The following DOP1A variants were observed in gnomAD, a reference collection of about 807,000 sequenced individuals.
DOP1A encodes the protein protein DOP1A.
DOP1A carries 90 observed loss-of-function variants against 267.6 expected under a neutral mutation model. The observed-to-expected ratio is 0.34, with a 90% CI of 0.28 to 0.40. DOP1A has a LOEUF of 0.40. DOP1A is among the 10% of genes least tolerant of loss of function. The probability of loss-of-function intolerance (pLI) is 1.00; values close to 1 mark genes in which losing one functional copy is unlikely to be tolerated. For synonymous variants in DOP1A, 932 were observed against 999.1 expected (o/e 0.93, Z 1.27); for missense variants, 2,437 against 2,900.4 (o/e 0.84, Z 3.67).
chr6:83,164,771 T>G, intron 38 of DOP1A: 2 of 1,477,996 alleles, frequency 1.4e-6, no homozygotes, highest in Non-Finnish European at 1.8e-6. Flanking sequence ...TTGCCAAATA[T>G]TGAGACACAA....
rs145273855 is a variant in DOP1A, at chr6:83,097,214, C to T, written c.138+99C>T. Reference sequence around the variant, plus strand: ...AAATCTTGAAGTAAGAATGCAAAAACATAAATGAACCTTAGATTACTCTTG... The same window carrying T: ...AAATCTTGAAGTAAGAATGCAAAAATATAAATGAACCTTAGATTACTCTTG... On this transcript the variant is annotated intron_variant, in intron 3 of 38. Coordinates refer to ENST00000349129, the MANE Select transcript of DOP1A (RefSeq NM_015018.4). 1.2e-5 allele frequency: 16 copies of T among 1,325,310 alleles called. No homozygotes were observed. In the African/African-American group the frequency reaches 1.6e-4, roughly 13 times the overall value. 82.1% of individuals were successfully genotyped at this position (1,325,310 alleles called of 1,614,324 possible).
intron 1 of DOP1A, among the ~76,000 whole-genome samples, chr6:83,074,911 C>T (rs998336876): frequency 3.3e-5 from 5 of 152,180 alleles, no homozygotes; most frequent in Non-Finnish European, 1.5e-5. Flanking sequence ...GTATTTTCAA[C>T]TTAGGATGAG....
At chr6:83,128,455 A>G (rs1027121423) in intron 15 of DOP1A, among the ~76,000 whole-genome samples, 1 of 152,218 alleles carries the variant, frequency 6.6e-6, no homozygotes, top group African/African-American at 2.4e-5. Flanking sequence ...CAAAGATTTA[A>G]TTAGTACTAT....
At position 83,154,039 on chromosome 6, in the gene DOP1A, A is replaced by C; in HGVS notation, c.6385A>C (p.Asn2129His). The change falls in exon 32 of 39, where the codon AAT becomes CAT. Residue 2129 changes from asparagine to histidine, a missense_variant. Around this residue, in one of 9 missense-constraint regions of DOP1A, gnomAD observed 216 missense variants for 283.3 expected, o/e 0.76. Coordinates refer to ENST00000349129, the MANE Select transcript of DOP1A (RefSeq NM_015018.4). The stretch of plus-strand genomic sequence containing the variant: ...CTTTCAGATGGATGCCTCTTGTGTT[A>C]ATCAGTAAGTTGCCCTCTTATTTGT... ...SFFQMDASCV[N>H]HWRAIMDNLM... 6.2e-7 allele frequency: 1 copy of C among 1,613,856 alleles called. No homozygotes were observed. The highest frequency in any genetic ancestry group is 8.5e-7 in the Non-Finnish European group (1 of 1,179,940).
At chr6:83,115,191 A>G (rs1775215327) in intron 7 of DOP1A, among the ~76,000 whole-genome samples, 1 of 152,224 alleles carries the variant, frequency 6.6e-6, no homozygotes. Flanking sequence ...AGATTATAAT[A>G]GACTTTTTTT....
intron 21 of DOP1A, 42 bp from the exon 22 acceptor site, chr6:83,139,958 C>A: frequency 1.5e-6 from 2 of 1,344,910 alleles, no homozygotes; most frequent in Non-Finnish European, 2.1e-6. Context: ...ATGAACTATA[C>A]TATCATAAAA....
Position 83,125,176 on chromosome 6 carries a change from G to C in DOP1A, c.1466G>C (p.Ser489Thr), listed in dbSNP as rs759834463. The change falls in exon 14 of 39, where the codon AGT (serine) becomes ACT (threonine). Residue 489 changes from serine to threonine, a missense_variant. Physicochemically the swap from Ser to Thr is moderately conservative, Grantham distance 58. Transcript: ENST00000349129. ...TTTCTCATTTTGAAGCCTACTAGAA[G>C]TATGAGGGTGCTGTGTCAGGTATGA... ...LLDIVSLPTR[S>T]MRVLCQETYI... 6.3e-7 allele frequency: 1 copy of C among 1,583,628 alleles called. No homozygotes were observed. Among genetic ancestry groups the C allele is most frequent in the African/African-American group, 1.4e-5 (1 of 73,038 alleles).
intron 38 of DOP1A, chr6:83,166,809 T>C: frequency 9.8e-7 from 1 of 1,024,222 alleles, no homozygotes; most frequent in Non-Finnish European, 1.2e-6. Context: ...AATTATTAGG[T>C]AAACAATGAA....
intron 38 of DOP1A, chr6:83,166,110 T>C (rs1354339678): frequency 2.4e-5 from 10 of 415,952 alleles, no homozygotes; most frequent in African/African-American, 8.0e-5. Context: ...TATTGTTGCA[T>C]AGAATAGAGA....
chr6:83,118,468 T>A (rs911444980), intron 7 of DOP1A, among the ~76,000 whole-genome samples: 16 of 152,138 alleles, frequency 1.1e-4, no homozygotes, highest in African/African-American at 7.2e-5. Context: ...AAGATAAAAA[T>A]TTTTAAAAAG....
At chr6:83,095,171 G>C (rs185724246) in intron 1 of DOP1A, among the ~76,000 whole-genome samples, 1 of 152,254 alleles carries the variant, frequency 6.6e-6, no homozygotes, top group Non-Finnish European at 1.5e-5. Context: ...GACCTCAAGC[G>C]ATCCGCCTAC....
Position 83,152,007 on chromosome 6 carries a change from A to G in DOP1A, c.6029A>G (p.Asn2010Ser). 1 of 1,613,958 alleles carries G rather than the reference A, an allele frequency of 6.2e-7. No homozygotes were observed. The highest frequency in any genetic ancestry group is 8.5e-7 in the Non-Finnish European group (1 of 1,179,924). ...PSPKIMVDGTNLESDVEDMLS... is the reference protein window; with the variant it reads ...PSPKIMVDGTSLESDVEDMLS... ...CCCAAAATAATGGTAGATGGAACCA[A>G]TTTGGAATCTGATGTTGAAGGTATT... The change falls in exon 29 of 39, where the codon AAT becomes AGT. Residue 2010 changes from asparagine to serine, a missense_variant. By Grantham distance (46) the Asn-to-Ser change is conservative (BLOSUM62 1). This residue lies in a region of DOP1A where 216 missense variants were observed against 283.3 expected (regional missense o/e 0.76). Coordinates refer to ENST00000349129, the MANE Select transcript of DOP1A (RefSeq NM_015018.4).
In DOP1A at chr6:83,067,794, G is replaced by A. The variant is rs1006321471; in HGVS notation, c.-147+15G>A. 2 of 152,318 alleles carry A rather than the reference G, an allele frequency of 1.3e-5. No individual in the cohort carries two copies. Among genetic ancestry groups the A allele is most frequent in the Admixed American group, 1.3e-4 (2 of 15,288 alleles). The allele number at this position is 152,318 out of a possible 1,614,324, so 9.4% of individuals were successfully genotyped here. A position where few individuals can be genotyped will look rare whatever the true frequency, so the allele number is the denominator to read the frequency against. On this transcript the variant is annotated intron_variant, in intron 1 of 38. Transcript: ENST00000349129. ...GCCAGCAGCAGGTAAAAGCGTCCCT[G>A]CCCCCAGTGCGGCCGCTAGGCTGGT...
intron 1 of DOP1A, among the ~76,000 whole-genome samples, chr6:83,085,910 T>C (rs1248179943): frequency 6.6e-6 from 1 of 152,148 alleles, no homozygotes; most frequent in Non-Finnish European, 1.5e-5. Flanking sequence ...GTCTCTGGCT[T>C]CTCTGTGGAG....
chr6:83,164,738 T>C, intron 38 of DOP1A: 3 of 1,576,502 alleles, frequency 1.9e-6, no homozygotes, highest in Non-Finnish European at 2.6e-6. Flanking sequence ...GGCTGTTTCA[T>C]GCTTATGATA....
At chr6:83,159,685 C>A in intron 36 of DOP1A, 111 bp from the exon 37 acceptor site, 1 of 1,206,910 alleles carries the variant, frequency 8.3e-7, no homozygotes, top group Non-Finnish European at 1.2e-6. Flanking sequence ...ATTACTGGCA[C>A]ATTTATCTCA....
At chr6:83,136,092 T>G (rs559187197) in intron 20 of DOP1A, among the ~76,000 whole-genome samples, 2 of 152,254 alleles carry the variant, frequency 1.3e-5, no homozygotes, top group South Asian at 4.1e-4. Flanking sequence ...CAGTTGACTC[T>G]TTCAGGGCAG....
rs149926368 is a variant in DOP1A, at chr6:83,141,863, T to G, written c.5416-58T>G. On this transcript the variant is annotated intron_variant, in intron 23 of 38. Transcript: ENST00000349129. The stretch of plus-strand genomic sequence containing the variant: ...AAAGAAACCAAAAACGCAGTCTAGT[T>G]GTAAATGTTTTTTCATTTTTTAAAA... 1,009 of 1,552,842 alleles carry G rather than the reference T, an allele frequency of 6.5e-4. 5 individuals are homozygous for G. In the African/African-American group the frequency reaches 0.013, roughly 19 times the overall value.
intron 36 of DOP1A, among the ~76,000 whole-genome samples, 163 bp downstream of exon 36, chr6:83,158,785 C>T (rs1388445954): frequency 6.6e-6 from 1 of 152,086 alleles, no homozygotes; most frequent in African/African-American, 2.4e-5. Context: ...ATTCCTTAAG[C>T]CCTTTAGATT....
Sources: gnomAD v4.1 joint callset for allele counts (sites outside exome capture counted in the v4.1 genomes callset) on GRCh38, gnomAD v4.1.1 for gene constraint, gnomAD v4.1.1 regional missense constraint, MANE v1.5 for transcripts, NCBI Gene and HGNC (gene_info 2026-07-23, HGNC 2026-07-21) for gene names.